The following PHACTR2 variants were observed in gnomAD, a reference collection of about 807,000 sequenced individuals.
PHACTR2 encodes the protein chromosome 6 open reading frame 56.
In PHACTR2, 30 loss-of-function variants were observed where a neutral mutation model predicts 76.0. The ratio of observed to expected loss-of-function variants is 0.39; its 90% CI spans 0.30 to 0.54. The LOEUF (loss-of-function observed/expected upper bound fraction) is 0.54. Among genes scored for constraint, PHACTR2 ranks in the 20% least tolerant of loss-of-function variants. PHACTR2 has a pLI of 0.61. For missense variants in PHACTR2, 696 were observed against 781.1 expected (o/e 0.89, Z 1.30); for synonymous variants, 292 against 292.5 (o/e 1.00, Z 0.02).
In PHACTR2 at chr6:143,695,527, G is replaced by T. The variant is rs1777752877; in HGVS notation, c.47-16489G>T. On this transcript the variant is annotated intron_variant, in intron 1 of 12. Coordinates refer to ENST00000440869, the MANE Select transcript of PHACTR2 (RefSeq NM_001100164.2). The surrounding 1 kb of genome is among the most constrained non-coding windows in gnomAD (Gnocchi z 4.4). ...GATTTAATTAATTGCTTGTGGTTTTGCAGTGCCAGTCCAGGTTTATTTTCA... is the reference window on the plus strand; with the variant it reads ...GATTTAATTAATTGCTTGTGGTTTTTCAGTGCCAGTCCAGGTTTATTTTCA... Among the ~76,000 whole-genome samples, 1 of 152,178 alleles carries T rather than the reference G, an allele frequency of 6.6e-6. No individual in the cohort carries two copies. The highest frequency in any genetic ancestry group is 1.5e-5 in the Non-Finnish European group (1 of 68,042).
rs995347224 is a variant in PHACTR2 at position 143,646,599 on chromosome 6, G to T, written c.13+38277G>T. On this transcript the variant is annotated intron_variant, in intron 1 of 11. Coordinates refer to the PHACTR2 transcript ENST00000305766. The surrounding 1 kb of genome is among the most constrained non-coding windows in gnomAD (Gnocchi z 4.1). ...ATTGAACTAGAGTTCCCTTTCCTAG[G>T]TACATGGAGCAAATAGAGAAGATAA... 6.6e-6 allele frequency among the ~76,000 whole-genome samples: 1 copy of T among 152,080 alleles called. No homozygotes were observed.
intron 1 of PHACTR2, among the ~76,000 whole-genome samples, chr6:143,603,071 T>C (rs189174917): frequency 2.1e-5 from 3 of 142,794 alleles, no homozygotes; most frequent in Non-Finnish European, 4.5e-5. Flanking sequence ...CTAGAATCCA[T>C]GAGACGGAGG....
At position 143,547,561 on chromosome 6, in the gene PHACTR2, C is replaced by T. The variant is rs1318068803; in HGVS notation, c.217+10354C>T. On this transcript the variant is annotated intron_variant, in intron 1 of 11. Coordinates refer to the PHACTR2 transcript ENST00000367584. The surrounding 1 kb of genome is among the most constrained non-coding windows in gnomAD (Gnocchi z 4.2). The stretch of plus-strand genomic sequence containing the variant: ...GAAAGTAAAGGAGCTTTGAAACAGC[C>T]ACTGTGACATTTGTAGAAGGGACCC... Among the ~76,000 whole-genome samples, 1 of 152,114 alleles carries T rather than the reference C, an allele frequency of 6.6e-6. No homozygotes were observed. Among genetic ancestry groups the T allele is most frequent in the Admixed American group, 6.5e-5 (1 of 15,278 alleles).
At chr6:143,668,689 G>A (rs1777091420) in intron 1 of PHACTR2, among the ~76,000 whole-genome samples, 1 of 152,152 alleles carries the variant, frequency 6.6e-6, no homozygotes, top group Non-Finnish European at 1.5e-5. Context: ...TTCTCTGATA[G>A]TAGTTCGTAT....
intron 1 of PHACTR2, among the ~76,000 whole-genome samples, chr6:143,622,961 G>A (rs971015625): frequency 1.3e-4 from 20 of 152,138 alleles, no homozygotes; most frequent in African/African-American, 4.3e-4. Flanking sequence ...AAGTTGAGGA[G>A]TACAAAGAAG....
At chr6:143,685,426 A>G (rs1777490558) in intron 1 of PHACTR2, among the ~76,000 whole-genome samples, 1 of 152,202 alleles carries the variant, frequency 6.6e-6, no homozygotes, top group Non-Finnish European at 1.5e-5. Flanking sequence ...GAAAACAAGT[A>G]AACAACATGA....
intron 1 of PHACTR2, among the ~76,000 whole-genome samples, chr6:143,588,421 C>T (rs189825308): frequency 4.3e-4 from 62 of 142,996 alleles, no homozygotes; most frequent in Admixed American, 8.5e-4. Flanking sequence ...AAAGTAGAGC[C>T]GCTTTGATGA....
In PHACTR2 at chr6:143,678,234, G is replaced by C; in HGVS notation, c.46+25G>C. On this transcript the variant is annotated intron_variant, in intron 1 of 12. Coordinates refer to ENST00000440869, the MANE Select transcript of PHACTR2 (RefSeq NM_001100164.2). The surrounding 1 kb of genome is among the most constrained non-coding windows in gnomAD (Gnocchi z 6.2). The stretch of plus-strand genomic sequence containing the variant: ...GGTGAGTCCGGGGCGCACGCGATGC[G>C]CTCCCGCCGCGCGGGCGCAGGGCTG... The C allele has an allele frequency of 4.1e-6, 6 of 1,469,480 alleles. No homozygotes were observed. Among genetic ancestry groups the C allele is most frequent in the Non-Finnish European group, 5.4e-6 (6 of 1,111,690 alleles). The allele number at this position is 1,469,480 out of a possible 1,614,324, so 91.0% of individuals were successfully genotyped here. A position where few individuals can be genotyped will look rare whatever the true frequency, so the allele number is the denominator to read the frequency against.
In PHACTR2 at chr6:143,548,961, A is replaced by G. The variant is rs1562680555; in HGVS notation, c.217+11754A>G. 6.6e-6 allele frequency among the ~76,000 whole-genome samples: 1 copy of G among 151,942 alleles called. No individual in the cohort carries two copies. Among genetic ancestry groups the G allele is most frequent in the African/African-American group, 2.4e-5 (1 of 41,404 alleles). On this transcript the variant is annotated intron_variant, in intron 1 of 11. Coordinates refer to the PHACTR2 transcript ENST00000367584. The surrounding 1 kb of genome is among the most constrained non-coding windows in gnomAD (Gnocchi z 4.5). Reference sequence around the variant, plus strand: ...GATAAGAATAGGAAGGATGATGGAAATCATTGGCTGGGGTGAGGTGGGGGC... The same window carrying G: ...GATAAGAATAGGAAGGATGATGGAAGTCATTGGCTGGGGTGAGGTGGGGGC...
intron 10 of PHACTR2, 144 bp from the exon 11 acceptor site, chr6:143,788,629 A>G (rs1775606680): frequency 1.9e-6 from 1 of 530,024 alleles, no homozygotes; most frequent in African/African-American, 1.9e-5. Flanking sequence ...AGAAATTCCC[A>G]AGATGCTGTT....
In PHACTR2 at chr6:143,765,141, A is replaced by T. The variant is rs1779526579; in HGVS notation, c.695-120A>T. 7.7e-6 allele frequency: 6 copies of T among 778,874 alleles called. No homozygotes were observed. The East Asian group carries it at 1.3e-4, about 17-fold the overall frequency. The allele number at this position is 778,874 out of a possible 1,614,324, so 48.2% of individuals were successfully genotyped here. A position where few individuals can be genotyped will look rare whatever the true frequency, so the allele number is the denominator to read the frequency against. ...ATGATTAGCCTATTTTCTCTTATAC[A>T]TTTATTCAACAAACTTTAAAGGGAA... On this transcript the variant is annotated intron_variant, in intron 5 of 12. Transcript: ENST00000440869. The surrounding 1 kb of genome is among the most constrained non-coding windows in gnomAD (Gnocchi z 4.1).
At position 143,751,607 on chromosome 6, in the gene PHACTR2, G is replaced by A. The variant is rs1401457664; in HGVS notation, c.296-2147G>A. Among the ~76,000 whole-genome samples, 1 of 151,924 alleles carries A rather than the reference G, an allele frequency of 6.6e-6. No individual in the cohort carries two copies. Among genetic ancestry groups the A allele is most frequent in the African/African-American group, 2.4e-5 (1 of 41,370 alleles). On this transcript the variant is annotated intron_variant, in intron 3 of 12. Coordinates refer to ENST00000440869, the MANE Select transcript of PHACTR2 (RefSeq NM_001100164.2). The surrounding 1 kb of genome is among the most constrained non-coding windows in gnomAD (Gnocchi z 5.7). ...GAGGTGACCCCCTTCAAACACCCTCGTGTTCCTTATTTAACCACTTGTTCC... is the reference window on the plus strand; with the variant it reads ...GAGGTGACCCCCTTCAAACACCCTCATGTTCCTTATTTAACCACTTGTTCC...
At chr6:143,712,319 A>ATTCT in intron 2 of PHACTR2, 136 bp downstream of exon 2, 2 of 515,636 alleles carry the variant, frequency 3.9e-6, no homozygotes, top group South Asian at 7.3e-5. Flanking sequence ...TATTTTAAGA[A>ATTCT]TAAAATAAGG....
At position 143,710,955 on chromosome 6, in the gene PHACTR2, CG is replaced by C; in HGVS notation, c.47-1059del. On this transcript the variant is annotated intron_variant, in intron 1 of 12. Transcript: ENST00000440869. This position sits in a 1 kb window ranked among gnomAD's most constrained non-coding sequence, Gnocchi z 4.9. ...CTATCTATCCAGTTATTATTTTTGA[CG>C]GACATCAGTACACTTCACCTCTAAA... The C allele has an allele frequency of 2.1e-6, 1 of 468,500 alleles. No individual in the cohort carries two copies. Among genetic ancestry groups the C allele is most frequent in the East Asian group, 5.8e-5 (1 of 17,142 alleles). 29.0% of individuals were successfully genotyped at this position (468,500 alleles called of 1,614,324 possible).
chr6:143,663,000 T>G lies in PHACTR2; in HGVS notation c.14-49016T>G, dbSNP rs896148900. ...TTCCTGTATTAATTTGCTTAGGATA[T>G]GATCTCCAGCTGCATCCATGTTGCT... On this transcript the variant is annotated intron_variant, in intron 1 of 11. Coordinates refer to the PHACTR2 transcript ENST00000305766. This position sits in a 1 kb window ranked among gnomAD's most constrained non-coding sequence, Gnocchi z 4.7. 6.6e-6 allele frequency among the ~76,000 whole-genome samples: 1 copy of G among 152,218 alleles called. No homozygotes were observed. Among genetic ancestry groups the G allele is most frequent in the South Asian group, 2.1e-4 (1 of 4,836 alleles).
upstream of PHACTR2, chr6:143,608,139 T>A (rs1775908264): frequency 4.4e-6 from 3 of 678,134 alleles, no homozygotes; most frequent in Admixed American, 4.3e-5. The surrounding 1 kb of genome is among the most constrained non-coding windows in gnomAD (Gnocchi z 4.6). Flanking sequence ...CTGTTTGTCA[T>A]CCTTGGAGAT....
rs1778467676 is a variant in PHACTR2, at chr6:143,722,605, T to G, written c.214+10422T>G. 6.6e-6 allele frequency among the ~76,000 whole-genome samples: 1 copy of G among 152,216 alleles called. No individual in the cohort carries two copies. The highest frequency in any genetic ancestry group is 1.5e-5 in the Non-Finnish European group (1 of 68,036). On this transcript the variant is annotated intron_variant, in intron 2 of 12. Coordinates refer to ENST00000440869, the MANE Select transcript of PHACTR2 (RefSeq NM_001100164.2). This position sits in a 1 kb window ranked among gnomAD's most constrained non-coding sequence, Gnocchi z 4.1. ...TATACATCACCTCAAACATTTATCGTTTCTTTTTGTTAGAAATAGTCCAGT... is the reference window on the plus strand; with the variant it reads ...TATACATCACCTCAAACATTTATCGGTTCTTTTTGTTAGAAATAGTCCAGT...
Position 143,793,568 on chromosome 6 carries a change from T to G in PHACTR2, c.1845+4658T>G, listed in dbSNP as rs191180172. Among the ~76,000 whole-genome samples the G allele has an allele frequency of 2.6e-3, 390 of 152,210 alleles. 2 individuals are homozygous for G. The highest frequency in any genetic ancestry group is 8.9e-3 in the African/African-American group (370 of 41,526). ...GAAGTGGATTTTTATTGTGTATGTG[T>G]GTGTTTCTCTGGAAGAAAATTAAGA... On this transcript the variant is annotated intron_variant, in intron 11 of 12. Transcript: ENST00000440869. This position sits in a 1 kb window ranked among gnomAD's most constrained non-coding sequence, Gnocchi z 4.4.
rs1776526525 is a variant in PHACTR2, at chr6:143,826,171, GA to G, written c.*2483del. 1 of 152,122 alleles carries G rather than the reference GA, an allele frequency of 6.6e-6. No homozygotes were observed. The highest frequency in any genetic ancestry group is 1.5e-5 in the Non-Finnish European group (1 of 68,026). The allele number at this position is 152,122 out of a possible 1,614,324, so 9.4% of individuals were successfully genotyped here. A position where few individuals can be genotyped will look rare whatever the true frequency, so the allele number is the denominator to read the frequency against. ...GCTGTGGAAAGAATTAAAGGATTAT[GA>G]GCTAAGCTGTATTTTGCAGAATATG... On this transcript the variant is annotated 3_prime_UTR_variant, in exon 13 of 13. Transcript: ENST00000440869.
Sources: allele counts gnomAD v4.1 joint callset (sites outside exome capture counted in the v4.1 genomes callset), GRCh38; gene constraint gnomAD v4.1.1; non-coding constraint Gnocchi (gnomAD v3.1); transcripts MANE v1.5; gene names NCBI Gene and HGNC (gene_info 2026-07-23, HGNC 2026-07-21).